The following ROBO1 variants were observed in gnomAD, a reference collection of about 807,000 sequenced individuals.
ROBO1 encodes the protein roundabout guidance receptor 1, also known as roundabout homolog 1.
Under a neutral mutation model 195.9 loss-of-function variants are expected in ROBO1, and 149 were observed. The observed-to-expected ratio is 0.76, with a 90% CI of 0.67 to 0.87. The LOEUF (loss-of-function observed/expected upper bound fraction) is 0.87, where lower values mean the gene tolerates loss of function less well. Among genes scored for constraint, ROBO1 ranks in the 40% least tolerant of loss-of-function variants. The pLI, the probability that ROBO1 is intolerant of heterozygous loss-of-function variation, is 0.00. For synonymous variants in ROBO1, 816 were observed against 733.2 expected (o/e 1.11, Z -1.82); for missense variants, 1,933 against 2,068.3 (o/e 0.93, Z 1.27).
At chr3:79,468,927 C>T (rs892509811) in intron 2 of ROBO1, among the ~76,000 whole-genome samples, 4 of 152,002 alleles carry the variant, frequency 2.6e-5, no homozygotes, top group Non-Finnish European at 5.9e-5. Flanking sequence ...TTACCTTGAC[C>T]TTTTCCTTTG....
chr3:78,970,493 T>G (rs1282033841), intron 3 of ROBO1, among the ~76,000 whole-genome samples: 1 of 152,166 alleles, frequency 6.6e-6, no homozygotes, highest in Non-Finnish European at 1.5e-5. Context: ...AAAGTGAGAT[T>G]TTATTTACAT....
chr3:79,569,645 A>ATGTGTGTG (rs112113543), intron 2 of ROBO1, among the ~76,000 whole-genome samples: 11 of 142,230 alleles, frequency 7.7e-5, no homozygotes, highest in South Asian at 2.2e-4. Context: ...ATGTATAGAT[A>ATGTGTGTG]TGTGTGTGTG....
At chr3:79,222,122 T>C (rs1348186816) in intron 2 of ROBO1, among the ~76,000 whole-genome samples, 1 of 152,104 alleles carries the variant, frequency 6.6e-6, no homozygotes, top group Non-Finnish European at 1.5e-5. Context: ...CACATCTTTT[T>C]CCTGTGATAC....
chr3:79,521,692 T>C (rs1392097542), intron 2 of ROBO1, among the ~76,000 whole-genome samples: 1 of 152,184 alleles, frequency 6.6e-6, no homozygotes, highest in Non-Finnish European at 1.5e-5. Flanking sequence ...TAAACACTTT[T>C]AGCAGATGTT....
chr3:78,774,622 TA>T (rs773256473), intron 4 of ROBO1, among the ~76,000 whole-genome samples: 1,878 of 151,554 alleles, frequency 0.012, 43 homozygotes, highest in Admixed American at 0.049. Context: ...AAAAAAAATC[TA>T]CCACTTGAAA....
chr3:78,691,850 G>T (rs1370268545), intron 8 of ROBO1, among the ~76,000 whole-genome samples: 1 of 151,966 alleles, frequency 6.6e-6, no homozygotes, highest in Non-Finnish European at 1.5e-5. Flanking sequence ...TCTTTTCATT[G>T]AAATCTAATT....
chr3:79,268,994 A>C (rs1329297076), intron 2 of ROBO1, among the ~76,000 whole-genome samples: 5 of 151,720 alleles, frequency 3.3e-5, no homozygotes, highest in Non-Finnish European at 5.9e-5. Flanking sequence ...CATCTTCTCC[A>C]GTCCATTTAC....
At chr3:78,882,486 C>A (rs1047224129) in intron 4 of ROBO1, among the ~76,000 whole-genome samples, 7 of 152,166 alleles carry the variant, frequency 4.6e-5, no homozygotes, top group Non-Finnish European at 1.5e-5. Context: ...CAAAATACAA[C>A]AAGCTGTTTT....
chr3:78,898,942 G>T (rs985017543), intron 4 of ROBO1, among the ~76,000 whole-genome samples: 1 of 152,080 alleles, frequency 6.6e-6, no homozygotes, highest in African/African-American at 2.4e-5. Context: ...GGCAAAGAGA[G>T]ACTAGAAAGC....
chr3:79,103,953 T>C (rs1314051569), intron 3 of ROBO1, among the ~76,000 whole-genome samples: 4 of 151,702 alleles, frequency 2.6e-5, no homozygotes, highest in African/African-American at 9.7e-5. Flanking sequence ...TTGACAATGG[T>C]TGGGAGCCTA....
At chr3:78,805,583 A>G (rs1222848191) in intron 4 of ROBO1, among the ~76,000 whole-genome samples, 2 of 152,134 alleles carry the variant, frequency 1.3e-5, no homozygotes, top group African/African-American at 2.4e-5. Flanking sequence ...AATAATTTGA[A>G]TAACATTCAT....
chr3:79,391,682 T>C (rs930463931), intron 2 of ROBO1, among the ~76,000 whole-genome samples: 1 of 152,180 alleles, frequency 6.6e-6, no homozygotes, highest in African/African-American at 2.4e-5. Flanking sequence ...TGCATTTTTA[T>C]AGTATGAATT....
intron 2 of ROBO1, among the ~76,000 whole-genome samples, chr3:79,481,348 C>T (rs1938847057): frequency 6.6e-6 from 1 of 151,832 alleles, no homozygotes; most frequent in South Asian, 2.1e-4. Context: ...TTTCTTGCAC[C>T]AGCTAATTAA....
intron 4 of ROBO1, among the ~76,000 whole-genome samples, chr3:78,767,901 A>AT (rs1297122057): frequency 6.6e-6 from 1 of 151,216 alleles, no homozygotes; most frequent in East Asian, 2.0e-4. Flanking sequence ...TATCTTTTGT[A>AT]TTTTTTTGTT....
intron 4 of ROBO1, among the ~76,000 whole-genome samples, chr3:78,867,938 C>A (rs2035283832): frequency 6.6e-6 from 1 of 152,146 alleles, no homozygotes; most frequent in South Asian, 2.1e-4. Context: ...AGACTAATAA[C>A]AGAACCTCTC....
chr3:79,716,912 T>C (rs1308921740), intron 1 of ROBO1, among the ~76,000 whole-genome samples: 1 of 151,998 alleles, frequency 6.6e-6, no homozygotes, highest in Non-Finnish European at 1.5e-5. Context: ...TAATAAACTA[T>C]ATAAATATTA....
chr3:79,647,212 C>T (rs1271045519), intron 1 of ROBO1, among the ~76,000 whole-genome samples: 2 of 151,534 alleles, frequency 1.3e-5, no homozygotes, highest in South Asian at 2.1e-4. Context: ...TATTATATAT[C>T]GATAAAAATT....
At chr3:78,768,816 C>G (rs1390197126) in intron 4 of ROBO1, among the ~76,000 whole-genome samples, 1 of 123,778 alleles carries the variant, frequency 8.1e-6, no homozygotes, top group East Asian at 3.0e-4. Flanking sequence ...CCCCTCCCCC[C>G]ACCCCACCAC....
chr3:78,639,719 A>T (rs773081405), intron 22 of ROBO1, 25 bp downstream of exon 22: 1 of 1,601,948 alleles, frequency 6.2e-7, no homozygotes, highest in African/African-American at 1.3e-5. Flanking sequence ...GCTTATACAT[A>T]TCAGGCTCTC....
Sources: allele counts gnomAD v4.1 joint callset (sites outside exome capture counted in the v4.1 genomes callset), GRCh38; gene constraint gnomAD v4.1.1; transcripts MANE v1.5; gene names NCBI Gene and HGNC (gene_info 2026-07-23, HGNC 2026-07-21).